GLIS3: variants seen among roughly 807,000 people sequenced by gnomAD.
GLIS3 encodes GLIS family zinc finger 3.
Under a neutral mutation model 78.6 loss-of-function variants are expected in GLIS3, and 53 were observed. The observed-to-expected ratio is 0.67, with a 90% CI of 0.54 to 0.85. The LOEUF is 0.85. Ranked by LOEUF, GLIS3 falls within the 40% of genes least tolerant of loss-of-function variation. GLIS3 has a pLI of 0.00. For missense variants in GLIS3, 1,703 were observed against 1,231.1 expected (o/e 1.38, Z -5.74); for synonymous variants, 684 against 509.9 (o/e 1.34, Z -4.60).
Position 4,286,171 on chromosome 9 carries a change from G to T in GLIS3, c.255C>A (p.Ser85Arg). ...CATTGGTGAGCATTTGTCTCCTGGG[G>T]CTTAAGGCAGGCAGATGGATGCGGC... ...AESRIHLPAL[S>R]PRRQMLTNGK... Residue 85 changes from serine to arginine, a missense_variant, in exon 2 of 11, where the codon AGC becomes AGA. Physicochemically the swap from Ser to Arg is moderately radical, Grantham distance 110. Transcript: ENST00000381971. The T allele has an allele frequency of 6.2e-7, 1 of 1,614,222 alleles. No individual in the cohort carries two copies. Among genetic ancestry groups the T allele is most frequent in the Non-Finnish European group, 8.5e-7 (1 of 1,180,040 alleles).
chr9:4,244,960 A>T (rs2129762030), intron 2 of GLIS3, among the ~76,000 whole-genome samples: 1 of 152,348 alleles, frequency 6.6e-6, no homozygotes, highest in East Asian at 1.9e-4. Flanking sequence ...GTTAAAGAAT[A>T]CTTTTAAATT....
At chr9:3,894,674 T>C (rs1211830609) in intron 7 of GLIS3, among the ~76,000 whole-genome samples, 1 of 151,452 alleles carries the variant, frequency 6.6e-6, no homozygotes, top group African/African-American at 2.4e-5. Flanking sequence ...CCAAAAAAAG[T>C]ATTTTTCCTT....
intron 4 of GLIS3, among the ~76,000 whole-genome samples, chr9:3,986,100 A>C (rs538034461): frequency 2.0e-5 from 3 of 152,352 alleles, no homozygotes; most frequent in African/African-American, 7.2e-5. Flanking sequence ...GGAAAATTAA[A>C]ACTACAAAAT....
intron 2 of GLIS3, among the ~76,000 whole-genome samples, chr9:4,278,164 C>T (rs571059766): frequency 2.4e-4 from 37 of 152,282 alleles, no homozygotes; most frequent in African/African-American, 6.7e-4. Context: ...GATAGTGTGA[C>T]GAAGAACTCA....
At chr9:4,462,881 G>C in the GLIS3 span, among the ~76,000 whole-genome samples, 1 of 152,318 alleles carries the variant, frequency 6.6e-6, no homozygotes, top group African/African-American at 2.4e-5. Flanking sequence ...TCTTGAACCT[G>C]CTTGAAAGTC....
intron 2 of GLIS3, among the ~76,000 whole-genome samples, chr9:4,129,071 A>T (rs1426717812): frequency 6.6e-6 from 1 of 152,212 alleles, no homozygotes; most frequent in Non-Finnish European, 1.5e-5. Context: ...GAAAATGGCA[A>T]CATCTGTCTC....
intron 8 of GLIS3, among the ~76,000 whole-genome samples, chr9:3,860,806 A>G (rs1820164750): frequency 6.6e-6 from 1 of 152,232 alleles, no homozygotes; most frequent in African/African-American, 2.4e-5. Context: ...TATTCATTCA[A>G]GGGGTCTTTG....
upstream of GLIS3, among the ~76,000 whole-genome samples, chr9:4,301,392 A>G (rs4741946): frequency 0.08 from 12,217 of 152,268 alleles, 869 homozygotes; most frequent in African/African-American, 0.18. Flanking sequence ...AAATACTCAT[A>G]AAATGAAGCA....
chr9:3,883,848 A>G (rs1318875287), intron 7 of GLIS3, among the ~76,000 whole-genome samples: 1 of 152,222 alleles, frequency 6.6e-6, no homozygotes, highest in Non-Finnish European at 1.5e-5. Flanking sequence ...TGATTAAGAG[A>G]TGGTAGTCTC....
chr9:4,388,406 T>C, the GLIS3 span, among the ~76,000 whole-genome samples: 2 of 151,872 alleles, frequency 1.3e-5, 1 homozygote, highest in Non-Finnish European at 2.9e-5. Context: ...GGGCCAGGTG[T>C]GGTGGCTCAC....
At chr9:4,067,820 G>T (rs1462443361) in intron 4 of GLIS3, among the ~76,000 whole-genome samples, 2 of 151,636 alleles carry the variant, frequency 1.3e-5, no homozygotes, top group Non-Finnish European at 2.9e-5. Context: ...AAAATATATG[G>T]TTACCAGCAA....
intron 7 of GLIS3, among the ~76,000 whole-genome samples, chr9:3,883,379 G>T (rs545027329): frequency 6.6e-6 from 1 of 152,118 alleles, no homozygotes; most frequent in African/African-American, 2.4e-5. Flanking sequence ...AATATCTGCC[G>T]ACTTCATACA....
intron 4 of GLIS3, among the ~76,000 whole-genome samples, chr9:3,960,116 A>G (rs1050879648): frequency 6.6e-6 from 1 of 152,198 alleles, no homozygotes; most frequent in African/African-American, 2.4e-5. Context: ...TAGCCTGGGC[A>G]ACAGAGCAAG....
At chr9:4,185,059 T>C (rs1054915688) in intron 2 of GLIS3, among the ~76,000 whole-genome samples, 5 of 152,188 alleles carry the variant, frequency 3.3e-5, no homozygotes, top group East Asian at 1.9e-4. Context: ...GATTAGACCA[T>C]TGCCATCATC....
chr9:3,956,674 A>G (rs1817132198), intron 4 of GLIS3, among the ~76,000 whole-genome samples: 1 of 152,094 alleles, frequency 6.6e-6, no homozygotes, highest in East Asian at 1.9e-4. Flanking sequence ...GATCTCACAG[A>G]CCAGTTGTAT....
rs199506457 is a variant in GLIS3 at position 4,286,301 on chromosome 9, G to T, written c.125C>A (p.Pro42His). 7 of 1,614,214 alleles carry T rather than the reference G, an allele frequency of 4.3e-6. No homozygotes were observed. The highest frequency in any genetic ancestry group is 5.9e-6 in the Non-Finnish European group (7 of 1,180,046). ...AGTGGGACTCGATGTGCTGCCACAG[G>T]GCGAGGGGCCAGGAGTCCCGGAGTG... ...RAHSGTPGPS[P>H]CGSTSSPTMA... Residue 42 changes from proline (P) to histidine (H), a missense_variant, in exon 2 of 11, where the codon CCC becomes CAC. By Grantham distance (77) the Pro-to-His change is moderately conservative. Coordinates refer to ENST00000381971, the MANE Select transcript of GLIS3 (RefSeq NM_001042413.2).
chr9:3,988,680 G>A (rs1819971978), intron 4 of GLIS3, among the ~76,000 whole-genome samples: 1 of 152,022 alleles, frequency 6.6e-6, no homozygotes, highest in Non-Finnish European at 1.5e-5. Context: ...AACAATTGGT[G>A]CTGGAGCCAT....
chr9:4,382,975 T>G, the GLIS3 span, among the ~76,000 whole-genome samples: 1 of 152,218 alleles, frequency 6.6e-6, no homozygotes, highest in Non-Finnish European at 1.5e-5. Flanking sequence ...ACCGATTCTG[T>G]GCTTGAATCC....
chr9:4,370,606 G>C, the GLIS3 span, among the ~76,000 whole-genome samples: 4 of 151,838 alleles, frequency 2.6e-5, no homozygotes, highest in African/African-American at 7.3e-5. Flanking sequence ...ACAGAAGAAC[G>C]GAAGCTGCAT....
Sources: gnomAD v4.1 joint callset for allele counts (sites outside exome capture counted in the v4.1 genomes callset) on GRCh38, gnomAD v4.1.1 for gene constraint, MANE v1.5 for transcripts, NCBI Gene and HGNC (gene_info 2026-07-23, HGNC 2026-07-21) for gene names.